Variants in GRM5 observed in about 807,000 individuals in gnomAD.
The protein encoded by GRM5 is glutamate metabotropic receptor 5.
In GRM5, 19 loss-of-function variants were observed where a neutral mutation model predicts 83.1. The ratio of observed to expected loss-of-function variants is 0.23; its 90% confidence interval spans 0.16 to 0.34. GRM5 has a LOEUF of 0.34. Among genes scored for constraint, GRM5 ranks in the 10% least tolerant of loss-of-function variants. GRM5 has a pLI of 1.00. For missense variants in GRM5, 1,160 were observed against 1,588.3 expected, an observed-to-expected ratio of 0.73 and a Z score of 4.58; for synonymous variants, 675 against 633.6, an observed-to-expected ratio of 1.07 and a Z score of -0.98.
At chr11:88,760,977 T>A (rs1218525449) in intron 3 of GRM5, among the ~76,000 whole-genome samples, 1 of 152,116 alleles carries the variant, frequency 6.6e-6, no homozygotes, top group Non-Finnish European at 1.5e-5. Flanking sequence ...TTTCAATAGA[T>A]GCAGAAAAGT....
rs377409068 is a variant in GRM5, at chr11:88,761,378, A to T, written c.911+88528T>A. ...TTTTAGGCTACAAAACCAACATTAA[A>T]ATGTTCACTAGTATTCCTAAACACC... On this transcript the variant is annotated intron_variant, in intron 3 of 9. Transcript: ENST00000305447. Among the ~76,000 whole-genome samples the T allele has an allele frequency of 4.6e-5, 7 of 152,118 alleles. No individual in the cohort carries two copies. In the South Asian group the frequency reaches 1.5e-3, roughly 32 times the overall value.
At chr11:88,574,848 T>C (rs1264744738) in intron 7 of GRM5, among the ~76,000 whole-genome samples, 1 of 152,138 alleles carries the variant, frequency 6.6e-6, no homozygotes, top group Non-Finnish European at 1.5e-5. Context: ...GAGTAATTCA[T>C]TGGATCTGGG....
intron 4 of GRM5, among the ~76,000 whole-genome samples, chr11:88,622,985 AGATT>A (rs1402973981): frequency 6.6e-6 from 1 of 152,206 alleles, no homozygotes; most frequent in African/African-American, 2.4e-5. Flanking sequence ...GCATAAAATG[AGATT>A]GTATAGGGAA....
chr11:89,004,099 G>A (rs1266671966), intron 2 of GRM5, among the ~76,000 whole-genome samples: 1 of 152,166 alleles, frequency 6.6e-6, no homozygotes, highest in Admixed American at 6.5e-5. Flanking sequence ...GGGTGTTGAA[G>A]AGGTATAATT....
At chr11:88,763,210 T>C (rs1490982760) in intron 3 of GRM5, among the ~76,000 whole-genome samples, 1 of 151,756 alleles carries the variant, frequency 6.6e-6, no homozygotes, top group Non-Finnish European at 1.5e-5. Context: ...TAAGACATTC[T>C]AAGACAAGTA....
At chr11:88,594,571 C>T (rs528455481) in intron 6 of GRM5, among the ~76,000 whole-genome samples, 1 of 152,240 alleles carries the variant, frequency 6.6e-6, no homozygotes, top group African/African-American at 2.4e-5. Flanking sequence ...TGCTGTATAC[C>T]ATAATAAGAC....
chr11:88,884,863 C>T (rs1251237057), intron 2 of GRM5, among the ~76,000 whole-genome samples: 1 of 152,160 alleles, frequency 6.6e-6, no homozygotes, highest in Non-Finnish European at 1.5e-5. Context: ...GAGGCCTCCC[C>T]AGCCATGTGG....
At chr11:88,838,114 T>C (rs1367302570) in intron 3 of GRM5, among the ~76,000 whole-genome samples, 2 of 107,118 alleles carry the variant, frequency 1.9e-5, no homozygotes, top group Admixed American at 9.7e-5. Flanking sequence ...AAAAAAGATA[T>C]AAGTAACGTC....
intron 2 of GRM5, among the ~76,000 whole-genome samples, chr11:88,989,093 A>T (rs1449258472): frequency 1.3e-5 from 2 of 151,392 alleles, no homozygotes; most frequent in Non-Finnish European, 3.0e-5. Context: ...AAGACCCATC[A>T]GTGTGCTGTA....
At chr11:88,628,168 T>G (rs575637474) in intron 4 of GRM5, among the ~76,000 whole-genome samples, 1 of 152,300 alleles carries the variant, frequency 6.6e-6, no homozygotes, top group Admixed American at 6.5e-5. Flanking sequence ...CCCAGATGCA[T>G]GCATTCTCTA....
chr11:88,569,589 C>A (rs1397631423), intron 7 of GRM5, among the ~76,000 whole-genome samples: 1 of 152,186 alleles, frequency 6.6e-6, no homozygotes, highest in East Asian at 1.9e-4. Flanking sequence ...TCTTTACTTT[C>A]TTCTTCTGCT....
chr11:88,664,636 G>A (rs751467145), intron 3 of GRM5, among the ~76,000 whole-genome samples: 91 of 151,708 alleles, frequency 6.0e-4, no homozygotes, highest in Non-Finnish European at 1.1e-3. Context: ...TAGTTGTGAC[G>A]GGGTTTCACC....
At chr11:88,643,296 C>T (rs992087779) in intron 4 of GRM5, among the ~76,000 whole-genome samples, 2 of 151,966 alleles carry the variant, frequency 1.3e-5, no homozygotes, top group Non-Finnish European at 2.9e-5. Context: ...CTGGTGAGAA[C>T]TCATTCACTA....
chr11:88,917,897 A>T, intron 2 of GRM5, among the ~76,000 whole-genome samples: 1 of 152,148 alleles, frequency 6.6e-6, no homozygotes, highest in East Asian at 1.9e-4. Flanking sequence ...AGAAAGAGAG[A>T]TTGGGGTAGA....
At chr11:88,934,502 T>C (rs1027444418) in intron 2 of GRM5, among the ~76,000 whole-genome samples, 4 of 151,842 alleles carry the variant, frequency 2.6e-5, no homozygotes, top group African/African-American at 9.7e-5. Context: ...AAAATTTGAA[T>C]AATTTAAGTG....
At chr11:88,705,404 G>C (rs1041345777) in intron 3 of GRM5, among the ~76,000 whole-genome samples, 1 of 152,052 alleles carries the variant, frequency 6.6e-6, no homozygotes, top group Non-Finnish European at 1.5e-5. Flanking sequence ...TCTGGCTTTA[G>C]GATTCAGTCA....
chr11:88,834,148 C>A (rs1030677698), intron 3 of GRM5, among the ~76,000 whole-genome samples: 1 of 151,952 alleles, frequency 6.6e-6, no homozygotes, highest in South Asian at 2.1e-4. Flanking sequence ...ATGATAAATA[C>A]GTGAGGTGAT....
At chr11:88,977,388 T>C (rs1240588932) in intron 2 of GRM5, among the ~76,000 whole-genome samples, 1 of 151,904 alleles carries the variant, frequency 6.6e-6, no homozygotes, top group Non-Finnish European at 1.5e-5. Flanking sequence ...AATTTTTGTA[T>C]TTTTAGTAGA....
At chr11:88,845,473 G>A (rs1316437987) in intron 3 of GRM5, among the ~76,000 whole-genome samples, 4 of 117,726 alleles carry the variant, frequency 3.4e-5, no homozygotes, top group Admixed American at 2.3e-4. Context: ...TCGCTCTGTC[G>A]CCCAGGCTGC....
Sources: gnomAD v4.1 joint callset for allele counts (sites outside exome capture counted in the v4.1 genomes callset) on GRCh38, gnomAD v4.1.1 for gene constraint, MANE v1.5 for transcripts, NCBI Gene and HGNC (gene_info 2026-07-23, HGNC 2026-07-21) for gene names.